Variants in MAML2 observed in about 807,000 individuals in gnomAD.
The protein encoded by MAML2 is mastermind-like protein 2.
MAML2 carries 22 observed loss-of-function variants against 96.1 expected under a neutral mutation model. The ratio of observed to expected loss-of-function variants is 0.23; its 90% CI spans 0.16 to 0.33. The LOEUF (loss-of-function observed/expected upper bound fraction) is 0.33. MAML2 is among the 10% of genes least tolerant of loss of function. MAML2 has a pLI of 1.00. For missense variants in MAML2, 1,367 were observed against 1,392.4 expected, an observed-to-expected ratio of 0.98 and a Z score of 0.29; for synonymous variants, 561 against 521.3, an observed-to-expected ratio of 1.08 and a Z score of -1.04.
chr11:96,180,804 C>T (rs1861471647), intron 1 of MAML2, among the ~76,000 whole-genome samples: 1 of 152,152 alleles, frequency 6.6e-6, no homozygotes, highest in South Asian at 2.1e-4. Flanking sequence ...CTGTTTATTT[C>T]ACCTGGGTAC....
chr11:96,057,010 T>C (rs1029395780), intron 2 of MAML2, among the ~76,000 whole-genome samples: 4 of 152,252 alleles, frequency 2.6e-5, no homozygotes, highest in African/African-American at 9.6e-5. Flanking sequence ...TTCAATGATC[T>C]AGTTTCACCT....
rs186505053 is a variant in MAML2 at position 96,244,006 on chromosome 11, C to A, written c.513+97377G>T. On this transcript the variant is annotated intron_variant, in intron 1 of 4. Transcript: ENST00000524717. The stretch of plus-strand genomic sequence containing the variant: ...GCTGGCCTTCCTCTGCACTGATGGA[C>A]TTTTCTTTGTGAAACTGATTCAGAG... 1.0e-3 allele frequency among the ~76,000 whole-genome samples: 158 copies of A among 152,332 alleles called. 2 individuals are homozygous for A. The highest frequency in any genetic ancestry group is 3.7e-3 in the African/African-American group (152 of 41,578).
At chr11:96,155,576 A>C (rs1861000109) in intron 1 of MAML2, among the ~76,000 whole-genome samples, 1 of 127,198 alleles carries the variant, frequency 7.9e-6, no homozygotes, top group East Asian at 2.3e-4. Flanking sequence ...GCTACCTAGA[A>C]CACCCTGGTC....
intron 1 of MAML2, among the ~76,000 whole-genome samples, chr11:96,137,162 G>A (rs953379222): frequency 6.6e-6 from 1 of 152,180 alleles, no homozygotes; most frequent in Non-Finnish European, 1.5e-5. Flanking sequence ...AGGAAATGTT[G>A]CATGCACTTA....
chr11:96,092,524 C>T lies in MAML2; in HGVS notation c.1507G>A (p.Gly503Ser). 3 of 1,595,376 alleles carry T rather than the reference C, an allele frequency of 1.9e-6. No individual in the cohort carries two copies. The highest frequency in any genetic ancestry group is 2.3e-5 in the South Asian group (2 of 88,480). ...QSSPMPGVAG[G>S]SGQSKVMANY... ...GCCATTACTTTCGACTGGCCGCTGC[C>T]GCCAGCTACCCCAGGCATGGGGGAG... is the stretch of plus-strand genomic sequence containing the variant. The change falls in exon 2 of 5, where the codon GGC (glycine) becomes AGC (serine). Residue 503 changes from glycine (G) to serine (S), a missense_variant. Coordinates refer to ENST00000524717, the MANE Select transcript of MAML2 (RefSeq NM_032427.4). The surrounding 1 kb of genome is among the most constrained non-coding windows in gnomAD (Gnocchi z 4.1).
Position 96,252,137 on chromosome 11 carries a change from T to G in MAML2, c.513+89246A>C, listed in dbSNP as rs193110346. On this transcript the variant is annotated intron_variant, in intron 1 of 4. Coordinates refer to ENST00000524717, the MANE Select transcript of MAML2 (RefSeq NM_032427.4). ...AATACTTTTTCCCATAAAATTACAC[T>G]CGTTATGCTGTTGGGAAATATGTGC... 7.9e-5 allele frequency among the ~76,000 whole-genome samples: 12 copies of G among 152,010 alleles called. No individual in the cohort carries two copies. The East Asian group carries it at 2.1e-3, about 27-fold the overall frequency.
intron 1 of MAML2, among the ~76,000 whole-genome samples, chr11:96,270,668 G>A (rs567446177): frequency 8.6e-5 from 13 of 152,016 alleles, no homozygotes; most frequent in Non-Finnish European, 1.3e-4. Flanking sequence ...CCCTCCTCCT[G>A]TCTTTTTAAA....
chr11:96,059,616 G>A (rs549497268), intron 2 of MAML2, among the ~76,000 whole-genome samples: 1 of 152,172 alleles, frequency 6.6e-6, no homozygotes, highest in Admixed American at 6.5e-5. Flanking sequence ...GGGGTGGGGA[G>A]GATTTTGGAA....
intron 1 of MAML2, among the ~76,000 whole-genome samples, chr11:96,144,455 T>G (rs1022097937): frequency 6.6e-6 from 1 of 152,202 alleles, no homozygotes; most frequent in Non-Finnish European, 1.5e-5. Context: ...AAGTGGGTTC[T>G]GTTCAACCAT....
chr11:96,006,380 T>C (rs530629111), intron 2 of MAML2, among the ~76,000 whole-genome samples: 1 of 152,312 alleles, frequency 6.6e-6, no homozygotes, highest in South Asian at 2.1e-4. Context: ...AAGTCTACTG[T>C]GGAGAAGACT....
intron 2 of MAML2, among the ~76,000 whole-genome samples, chr11:96,004,265 T>C (rs1172547157): frequency 7.0e-6 from 1 of 142,768 alleles, no homozygotes; most frequent in Non-Finnish European, 1.5e-5. Context: ...TGAGTAGTGA[T>C]GGAGTCTAAA....
chr11:96,174,509 G>A (rs1861351790), intron 1 of MAML2, among the ~76,000 whole-genome samples: 1 of 152,154 alleles, frequency 6.6e-6, no homozygotes, highest in African/African-American at 2.4e-5. Flanking sequence ...TCAGCCTCCT[G>A]AGTAGCTTGG....
At chr11:96,335,836 C>G (rs1174630837) in intron 1 of MAML2, among the ~76,000 whole-genome samples, 3 of 152,152 alleles carry the variant, frequency 2.0e-5, no homozygotes, top group Admixed American at 6.5e-5. Context: ...CACACTCAGT[C>G]AAGCACTGCT....
chr11:96,182,391 C>A (rs915748608), intron 1 of MAML2, among the ~76,000 whole-genome samples: 23 of 152,156 alleles, frequency 1.5e-4, no homozygotes, highest in African/African-American at 2.2e-4. Flanking sequence ...TGCCTATGTA[C>A]CAACAGGTTT....
intron 1 of MAML2, among the ~76,000 whole-genome samples, chr11:96,328,215 G>T (rs979157264): frequency 6.6e-6 from 1 of 152,146 alleles, no homozygotes; most frequent in African/African-American, 2.4e-5. Context: ...TATTGGGAAA[G>T]AAAGGCAACT....
At chr11:96,161,503 A>G (rs1360170257) in intron 1 of MAML2, among the ~76,000 whole-genome samples, 4 of 152,156 alleles carry the variant, frequency 2.6e-5, no homozygotes, top group Non-Finnish European at 5.9e-5. Context: ...TCGCATGTTA[A>G]GAGACTGGCA....
chr11:96,194,006 A>G (rs79469670), intron 1 of MAML2, among the ~76,000 whole-genome samples: 1 of 152,344 alleles, frequency 6.6e-6, no homozygotes, highest in East Asian at 1.9e-4. Context: ...CATCCTTTTT[A>G]TGTCCTTCTT....
intron 1 of MAML2, among the ~76,000 whole-genome samples, chr11:96,104,729 G>A (rs1029752249): frequency 6.6e-6 from 1 of 151,910 alleles, no homozygotes; most frequent in Non-Finnish European, 1.5e-5. Context: ...GACAGGGAAA[G>A]CAAGTCTAAA....
At chr11:96,149,170 T>G (rs1311259649) in intron 1 of MAML2, among the ~76,000 whole-genome samples, 1 of 151,928 alleles carries the variant, frequency 6.6e-6, no homozygotes, top group Non-Finnish European at 1.5e-5. Context: ...TCTCAGAACT[T>G]TGGGAGGCCG....
Sources: gnomAD v4.1 joint callset for allele counts (sites outside exome capture counted in the v4.1 genomes callset) on GRCh38, gnomAD v4.1.1 for gene constraint, Gnocchi (gnomAD v3.1) non-coding constraint, MANE v1.5 for transcripts, NCBI Gene and HGNC (gene_info 2026-07-23, HGNC 2026-07-21) for gene names.